KHDRBS2: variants seen among roughly 807,000 people sequenced by gnomAD.
KHDRBS2 encodes the protein KH domain-containing, RNA-binding, signal transduction-associated protein 2.
A neutral mutation model predicts 44.3 loss-of-function variants in KHDRBS2; 26 were observed. The ratio of observed to expected loss-of-function variants is 0.59; its 90% CI spans 0.43 to 0.81. The LOEUF is 0.81. KHDRBS2 is among the 40% of genes least tolerant of loss of function. The probability of loss-of-function intolerance (pLI) is 0.00; values close to 1 mark genes in which losing one functional copy is unlikely to be tolerated. For synonymous variants in KHDRBS2, 194 were observed against 151.1 expected, an observed-to-expected ratio of 1.28 and a Z score of -2.08; for missense variants, 476 against 433.1, an observed-to-expected ratio of 1.10 and a Z score of -0.88.
At chr6:61,548,435 G>A in the KHDRBS2 span, among the ~76,000 whole-genome samples, 3 of 152,090 alleles carry the variant, frequency 2.0e-5, no homozygotes, top group Non-Finnish European at 4.4e-5. Flanking sequence ...ATTAAGTCTA[G>A]GATGAGGCCT....
At chr6:61,993,673 A>ATATATATATT (rs1425839225) in intron 3 of KHDRBS2, among the ~76,000 whole-genome samples, 42 of 115,674 alleles carry the variant, frequency 3.6e-4, no homozygotes, top group African/African-American at 8.4e-4. Context: ...ATATATATAT[A>ATATATATATT]TTTTTTTTTT....
At chr6:61,723,059 G>A (rs1167204982) in intron 7 of KHDRBS2, among the ~76,000 whole-genome samples, 1 of 152,052 alleles carries the variant, frequency 6.6e-6, no homozygotes, top group Non-Finnish European at 1.5e-5. Flanking sequence ...GCTTTCACTG[G>A]TGATACCTTC....
intron 2 of KHDRBS2, among the ~76,000 whole-genome samples, chr6:62,140,703 T>A (rs1241210052): frequency 6.6e-6 from 1 of 152,206 alleles, no homozygotes; most frequent in African/African-American, 2.4e-5. Context: ...TATTGAGTGT[T>A]ACATGCGTGC....
intron 6 of KHDRBS2, among the ~76,000 whole-genome samples, chr6:61,771,489 A>G (rs1447610532): frequency 1.3e-5 from 2 of 152,180 alleles, no homozygotes; most frequent in Non-Finnish European, 2.9e-5. Context: ...GGGATGGAGG[A>G]AGATCTACCA....
At chr6:62,212,090 G>T (rs562391522) in intron 1 of KHDRBS2, among the ~76,000 whole-genome samples, 2 of 152,188 alleles carry the variant, frequency 1.3e-5, no homozygotes, top group East Asian at 3.9e-4. Context: ...CTTATTCATA[G>T]GGAACTAAAT....
At chr6:62,267,698 C>G (rs1051331324) in intron 1 of KHDRBS2, among the ~76,000 whole-genome samples, 2 of 151,926 alleles carry the variant, frequency 1.3e-5, no homozygotes, top group Non-Finnish European at 2.9e-5. Flanking sequence ...TGGAAATGCA[C>G]CAGAGATTTT....
the KHDRBS2 span, among the ~76,000 whole-genome samples, chr6:61,578,758 TCAC>T: frequency 1.4e-4 from 21 of 152,148 alleles, no homozygotes; most frequent in Non-Finnish European, 2.6e-4. Context: ...GAAACTATCT[TCAC>T]CAATTAAATA....
chr6:61,760,336 G>T (rs1457577173), intron 6 of KHDRBS2, among the ~76,000 whole-genome samples: 1 of 152,146 alleles, frequency 6.6e-6, no homozygotes, highest in Non-Finnish European at 1.5e-5. Context: ...GTTTCTAAAA[G>T]AAAAGCCATT....
chr6:61,963,406 T>C (rs1216867162), intron 4 of KHDRBS2, among the ~76,000 whole-genome samples: 3 of 152,034 alleles, frequency 2.0e-5, no homozygotes, highest in East Asian at 1.9e-4. Context: ...CTAAAGTATG[T>C]TGAGATGAAA....
chr6:61,562,721 C>A, the KHDRBS2 span, among the ~76,000 whole-genome samples: 6 of 152,008 alleles, frequency 3.9e-5, no homozygotes, highest in African/African-American at 1.4e-4. Flanking sequence ...TTTGAGGGTA[C>A]CTTGGTCCAA....
chr6:61,741,648 G>C (rs889296295), intron 6 of KHDRBS2, among the ~76,000 whole-genome samples: 3 of 151,766 alleles, frequency 2.0e-5, no homozygotes, highest in African/African-American at 7.3e-5. Context: ...ACAGGAAATT[G>C]CCATTTTTGT....
rs117904952 is a variant in KHDRBS2, at chr6:61,853,160, C to T, written c.810+41475G>A. ...TTCCTTGACCTTGGATTCAGCCCTA[C>T]TCTATGGATTCAGCTTTCCTGTTCT... On this transcript the variant is annotated intron_variant, in intron 6 of 8. Coordinates refer to ENST00000281156, the MANE Select transcript of KHDRBS2 (RefSeq NM_152688.4). Among the ~76,000 whole-genome samples, 112 of 152,250 alleles carry T rather than the reference C, an allele frequency of 7.4e-4. 3 individuals are homozygous for T. The East Asian group carries it at 0.018, about 24-fold the overall frequency.
chr6:61,895,938 C>A (rs893735214), intron 5 of KHDRBS2, among the ~76,000 whole-genome samples: 6 of 151,994 alleles, frequency 3.9e-5, no homozygotes, highest in African/African-American at 1.5e-4. Context: ...GCTGGCAAAA[C>A]CTTTAAAATT....
At chr6:62,089,268 C>CAAAA (rs34948262) in intron 2 of KHDRBS2, among the ~76,000 whole-genome samples, 18 of 111,950 alleles carry the variant, frequency 1.6e-4, no homozygotes, top group Non-Finnish European at 2.4e-4. Context: ...CACTGGGTTA[C>CAAAA]AAAAAAAAAA....
intron 3 of KHDRBS2, among the ~76,000 whole-genome samples, chr6:62,006,309 T>C (rs1462834760): frequency 6.6e-6 from 1 of 151,948 alleles, no homozygotes; most frequent in African/African-American, 2.4e-5. Flanking sequence ...ACACTGCCAA[T>C]CTAAAGTTAT....
At chr6:61,550,742 C>T in the KHDRBS2 span, among the ~76,000 whole-genome samples, 5 of 145,154 alleles carry the variant, frequency 3.4e-5, no homozygotes, top group East Asian at 1.0e-3. Context: ...TAATAACAGC[C>T]TTTCTGACTG....
chr6:61,545,156 A>T, the KHDRBS2 span, among the ~76,000 whole-genome samples: 4 of 152,024 alleles, frequency 2.6e-5, no homozygotes, highest in Non-Finnish European at 5.9e-5. Flanking sequence ...TTAAGAAGTG[A>T]TAATTGGGGC....
the KHDRBS2 span, among the ~76,000 whole-genome samples, chr6:61,604,113 T>A: frequency 2.6e-5 from 4 of 152,200 alleles, no homozygotes; most frequent in Non-Finnish European, 5.9e-5. Flanking sequence ...AATATTTATA[T>A]GACTCTAAAT....
intron 2 of KHDRBS2, among the ~76,000 whole-genome samples, chr6:62,066,438 T>G (rs1158800629): frequency 6.6e-6 from 1 of 151,680 alleles, no homozygotes; most frequent in African/African-American, 2.4e-5. Flanking sequence ...CACTCTAATA[T>G]TTTAGAATTT....
Sources: gnomAD v4.1 joint callset for allele counts (sites outside exome capture counted in the v4.1 genomes callset) on GRCh38, gnomAD v4.1.1 for gene constraint, MANE v1.5 for transcripts, NCBI Gene and HGNC (gene_info 2026-07-23, HGNC 2026-07-21) for gene names.